Variants in MIR2052HG observed in about 807,000 individuals in gnomAD.
MIR2052HG encodes the protein MIR2052 host gene.
intron 2 of MIR2052HG, among the ~76,000 whole-genome samples, chr8:74,696,198 T>C (rs914440708): frequency 3.9e-5 from 6 of 151,928 alleles, no homozygotes; most frequent in African/African-American, 1.5e-4. Context: ...TACATGAAAA[T>C]TAAATAACCT....
At chr8:74,694,059 C>T (rs1188590750) in intron 2 of MIR2052HG, among the ~76,000 whole-genome samples, 2 of 152,162 alleles carry the variant, frequency 1.3e-5, no homozygotes, top group East Asian at 3.9e-4. Context: ...CAACACAAAA[C>T]CAACACACTA....
intron 1 of MIR2052HG, among the ~76,000 whole-genome samples, chr8:74,611,110 A>G (rs1025523261): frequency 2.0e-5 from 3 of 152,240 alleles, no homozygotes; most frequent in African/African-American, 7.2e-5. Flanking sequence ...CTTTGAACAT[A>G]AAAATCTTTC....
chr8:74,725,501 T>A (rs546723386), intron 4 of MIR2052HG, among the ~76,000 whole-genome samples: 241 of 152,300 alleles, frequency 1.6e-3, no homozygotes, highest in African/African-American at 5.6e-3. Flanking sequence ...CTTGACAGAG[T>A]TAGAACCTCT....
At position 74,634,380 on chromosome 8, in the gene MIR2052HG, A is replaced by C. The variant is rs540578408; in HGVS notation, n.216+21440A>C. Among the ~76,000 whole-genome samples, 4 of 152,348 alleles carry C rather than the reference A, an allele frequency of 2.6e-5. No individual in the cohort carries two copies. The East Asian group carries it at 7.7e-4, about 29-fold the overall frequency. On this transcript the variant is annotated intron_variant and non_coding_transcript_variant, in intron 2 of 6. Transcript: ENST00000523442. ...ATGCCCAAATAGTCGGGCCAAAGGCAGGAGAAACTTGTTGCTGACATCATG... is the reference window on the plus strand; with the variant it reads ...ATGCCCAAATAGTCGGGCCAAAGGCCGGAGAAACTTGTTGCTGACATCATG...
intron 2 of MIR2052HG, among the ~76,000 whole-genome samples, chr8:74,680,235 C>A (rs1347123193): frequency 1.3e-5 from 2 of 151,880 alleles, no homozygotes; most frequent in Non-Finnish European, 2.9e-5. Context: ...AAAATGAATG[C>A]CTAAGGCTTT....
chr8:74,703,711 A>G, intron 4 of MIR2052HG: 1 of 441,470 alleles, frequency 2.3e-6, no homozygotes, highest in South Asian at 1.6e-5. Context: ...ATGCTGTGGG[A>G]TCTGGAAGTC....
intron 4 of MIR2052HG, among the ~76,000 whole-genome samples, chr8:74,739,191 G>A (rs768247579): frequency 6.6e-6 from 1 of 152,176 alleles, no homozygotes; most frequent in African/African-American, 2.4e-5. Flanking sequence ...ATCATGAGAT[G>A]TTTCCTTGTT....
chr8:74,640,017 C>T (rs1348594650), intron 2 of MIR2052HG, among the ~76,000 whole-genome samples: 1 of 152,172 alleles, frequency 6.6e-6, no homozygotes, highest in Non-Finnish European at 1.5e-5. Context: ...TTTCAGATGT[C>T]ACCAACAGCT....
intron 4 of MIR2052HG, among the ~76,000 whole-genome samples, chr8:74,712,077 C>T (rs1809473930): frequency 6.6e-6 from 1 of 152,154 alleles, no homozygotes; most frequent in South Asian, 2.1e-4. Flanking sequence ...GAATTCAGAG[C>T]TCACATCTAT....
chr8:74,608,019 A>T (rs949470767), intron 1 of MIR2052HG, among the ~76,000 whole-genome samples: 1 of 152,182 alleles, frequency 6.6e-6, no homozygotes, highest in Non-Finnish European at 1.5e-5. Context: ...AATAGATTGT[A>T]AAGGTGTCCA....
At chr8:74,741,550 T>G (rs1393468859) in intron 4 of MIR2052HG, among the ~76,000 whole-genome samples, 2 of 152,200 alleles carry the variant, frequency 1.3e-5, no homozygotes, top group African/African-American at 4.8e-5. Context: ...CACACTGATT[T>G]TATACCTTTA....
At chr8:74,635,240 A>T (rs1808568556) in intron 2 of MIR2052HG, among the ~76,000 whole-genome samples, 1 of 145,522 alleles carries the variant, frequency 6.9e-6, no homozygotes, top group South Asian at 2.2e-4. Context: ...ACAAAAACAG[A>T]TTTTTTTTTT....
chr8:74,647,511 C>T (rs1420700516), intron 2 of MIR2052HG, among the ~76,000 whole-genome samples: 1 of 152,146 alleles, frequency 6.6e-6, no homozygotes, highest in East Asian at 1.9e-4. Context: ...GAAAACATTT[C>T]TCTCTTATAA....
At chr8:74,603,152 G>A in intron 1 of MIR2052HG, 1 of 702,670 alleles carries the variant, frequency 1.4e-6, no homozygotes, top group Middle Eastern at 3.8e-4. Flanking sequence ...AATCACGAGT[G>A]GATGATAAAG....
intron 2 of MIR2052HG, among the ~76,000 whole-genome samples, chr8:74,687,826 T>C (rs1349598101): frequency 6.6e-6 from 1 of 152,304 alleles, no homozygotes; most frequent in East Asian, 1.9e-4. Context: ...GTAGATTTTA[T>C]GTTAAGTATT....
intron 5 of MIR2052HG, chr8:74,757,331 G>A (rs1352679582): frequency 6.6e-6 from 1 of 152,142 alleles, no homozygotes; most frequent in African/African-American, 2.4e-5. Context: ...CAGAGCCTTT[G>A]GGCATCATGG....
intron 4 of MIR2052HG, among the ~76,000 whole-genome samples, chr8:74,719,829 C>CTTT (rs1182515871): frequency 2.4e-5 from 3 of 124,144 alleles, no homozygotes; most frequent in Non-Finnish European, 1.7e-5. Flanking sequence ...AGTGCTCCTT[C>CTTT]TTTTTTTTTT....
At chr8:74,669,326 C>T (rs1321852144) in intron 2 of MIR2052HG, among the ~76,000 whole-genome samples, 1 of 152,166 alleles carries the variant, frequency 6.6e-6, no homozygotes, top group Non-Finnish European at 1.5e-5. Flanking sequence ...CTCTTTAATG[C>T]ATCCCAAACC....
At chr8:74,754,264 A>T (rs1247284253) in intron 5 of MIR2052HG, among the ~76,000 whole-genome samples, 1 of 152,232 alleles carries the variant, frequency 6.6e-6, no homozygotes, top group Non-Finnish European at 1.5e-5. Context: ...TATTTCCTCT[A>T]TTATCCTCTC....
Sources: gnomAD v4.1 joint callset for allele counts (sites outside exome capture counted in the v4.1 genomes callset) on GRCh38, gnomAD v4.1.1 for gene constraint, MANE v1.5 for transcripts, NCBI Gene and HGNC (gene_info 2026-07-23, HGNC 2026-07-21) for gene names.